The following PLEC variants were observed in gnomAD, a reference collection of about 807,000 sequenced individuals.
PLEC encodes the protein hemidesmosomal protein 1.
PLEC carries 216 observed loss-of-function variants against 392.8 expected under a neutral mutation model. The ratio of observed to expected loss-of-function variants is 0.55; its 90% CI spans 0.49 to 0.62. The LOEUF (loss-of-function observed/expected upper bound fraction) is 0.62. Ranked by LOEUF, PLEC falls within the 20% of genes least tolerant of loss-of-function variation. The pLI, the probability that PLEC is intolerant of heterozygous loss-of-function variation, is 0.00. For missense variants in PLEC, 6,863 were observed against 6,563.4 expected, an observed-to-expected ratio of 1.05 and a Z score of -1.58; for synonymous variants, 3,621 against 2,980.6, an observed-to-expected ratio of 1.21 and a Z score of -7.00.
rs782385787 is a variant in PLEC, at chr8:143,932,068, GC to G, written c.2083-37del. On this transcript the variant is annotated intron_variant, in intron 17 of 31. Transcript: ENST00000345136. ...GCAGGTCCCGGTCAGGCCCCGCCCCGCCCCGCCTGGGGACCCGGCACGGCCC... is the reference window on the plus strand; with the variant it reads ...GCAGGTCCCGGTCAGGCCCCGCCCCGCCCGCCTGGGGACCCGGCACGGCCC... 73 of 1,555,536 alleles carry G rather than the reference GC, an allele frequency of 4.7e-5. 1 individual carries two copies. The highest frequency in any genetic ancestry group is 5.8e-5 in the Non-Finnish European group (67 of 1,150,018).
rs782432188 is a variant in PLEC at position 143,933,253 on chromosome 8, G to A, written c.1362C>T (p.Asn454=). The stretch of plus-strand genomic sequence containing the variant: ...GTCCATCCTTGAGGGTCTGCACGTC[G>A]TTGAAGAGCAGCCGGATCATGCTAT... The part of the protein sequence containing the change: ...KADSMIRLLF[N]DVQTLKDGRH... The change falls in exon 13 of 32, where the codon AAC becomes AAT. Residue 454 remains asparagine (N), a synonymous_variant. Transcript: ENST00000345136. The A allele has an allele frequency of 1.4e-5, 23 of 1,613,004 alleles. No homozygotes were observed. The highest frequency in any genetic ancestry group is 1.9e-5 in the Non-Finnish European group (22 of 1,179,978).
chr8:143,943,044 C>T (rs1830795643), upstream of PLEC, among the ~76,000 whole-genome samples: 1 of 152,208 alleles, frequency 6.6e-6, no homozygotes, highest in Non-Finnish European at 1.5e-5. Context: ...CAGCCCAAGT[C>T]CCATCCTGGC....
upstream of PLEC, among the ~76,000 whole-genome samples, chr8:143,955,113 G>C (rs1216947585): frequency 6.6e-6 from 1 of 152,170 alleles, no homozygotes; most frequent in Non-Finnish European, 1.5e-5. Context: ...GACTCAGCCA[G>C]TTGGGGTGTG....
In PLEC at chr8:143,923,182, A is replaced by G. The variant is rs782107125; in HGVS notation, c.6747T>C (p.Ala2249=). The G allele has an allele frequency of 1.9e-6, 3 of 1,602,270 alleles. No homozygotes were observed. The Admixed American group carries it at 5.0e-5, about 27-fold the overall frequency. The part of the protein sequence containing the change: ...ELSKLKARIE[A]ENRALILRDK... ...CACGCAAGATGAGTGCGCGGTTCTCAGCCTCGATGCGTGCCTTGAGCTTGC... is the reference window on the plus strand; with the variant it reads ...CACGCAAGATGAGTGCGCGGTTCTCGGCCTCGATGCGTGCCTTGAGCTTGC... Residue 2249 remains alanine (A), a synonymous_variant, in exon 31 of 32, where the codon GCT becomes GCC. Transcript: ENST00000345136.
At position 143,920,817 on chromosome 8, in the gene PLEC, G is replaced by C. The variant is rs137853161; in HGVS notation, c.9004C>G (p.Arg3002Gly). Residue 3002 changes from arginine to glycine, a missense_variant, in exon 32 of 32, where the codon CGA becomes GGA. Arg to Gly is a moderately radical substitution (Grantham distance 125). Coordinates refer to ENST00000345136, the MANE Select transcript of PLEC (RefSeq NM_201384.3). ...ACGTCTCGCACAGAGCGCTCACCTC[G>C]CTGCAGCTGCTGGTAGAGCTCGCGG... ...IDRELYQQLQ[R>G]GERSVRDVAE... The C allele has an allele frequency of 6.2e-7, 1 of 1,608,176 alleles. No homozygotes were observed. The highest frequency in any genetic ancestry group is 2.2e-5 in the East Asian group (1 of 44,874).
intron 1 of PLEC, among the ~76,000 whole-genome samples, chr8:143,945,443 T>C (rs782479574): frequency 6.6e-5 from 10 of 151,954 alleles, no homozygotes; most frequent in Non-Finnish European, 1.2e-4. Context: ...CAGATCCCAA[T>C]GCAGCCGGGG....
At position 143,937,229 on chromosome 8, in the gene PLEC, C is replaced by T; in HGVS notation, c.278G>A (p.Gly93Glu). The change falls in exon 4 of 32, where the codon GGG (glycine) becomes GAG (glutamate). Residue 93 changes from glycine (G) to glutamate (E), a missense_variant. Transcript: ENST00000345136. Reference sequence around the variant, plus strand: ...CTGCAGCTTGTGGAAACGCATCCTCCCCTTCTCCCGGGGCTGTGGGGAGGC... The same window carrying T: ...CTGCAGCTTGTGGAAACGCATCCTCTCCTTCTCCCGGGGCTGTGGGGAGGC... The part of the protein sequence containing the change: ...LSGDSLPREK[G>E]RMRFHKLQNV... 2 of 1,612,592 alleles carry T rather than the reference C, an allele frequency of 1.2e-6. No individual in the cohort carries two copies. The highest frequency in any genetic ancestry group is 1.7e-5 in the Admixed American group (1 of 60,020).
At chr8:143,966,425 C>T (rs1459401816) in intron 1 of PLEC, among the ~76,000 whole-genome samples, 1 of 152,230 alleles carries the variant, frequency 6.6e-6, no homozygotes, top group Middle Eastern at 3.2e-3. Context: ...ATTTTATGCA[C>T]CCAAGGCTAA....
At position 143,929,423 on chromosome 8, in the gene PLEC, G is replaced by A. The variant is rs782630313; in HGVS notation, c.3072C>T (p.Ala1024=). The change falls in exon 24 of 32, where the codon GCC becomes GCT. Residue 1024 remains alanine, a synonymous_variant. Transcript: ENST00000345136. Reference sequence around the variant, plus strand: ...GGGGGACGGCCCCTGCCTGCTGCTCGGCGATGCGCTGGGCACACTCCCGTG... The same window carrying A: ...GGGGGACGGCCCCTGCCTGCTGCTCAGCGATGCGCTGGGCACACTCCCGTG... ...EPARECAQRI[A]EQQKAQAEVE... 4 of 1,566,004 alleles carry A rather than the reference G, an allele frequency of 2.6e-6. No individual in the cohort carries two copies. The highest frequency in any genetic ancestry group is 2.6e-6 in the Non-Finnish European group (3 of 1,157,816).
upstream of PLEC, among the ~76,000 whole-genome samples, chr8:143,951,608 A>T (rs906458627): frequency 6.6e-6 from 1 of 152,068 alleles, no homozygotes; most frequent in Non-Finnish European, 1.5e-5. Context: ...GGGGGCTCAG[A>T]GGGGCCTCAA....
Position 143,920,664 on chromosome 8 carries a change from T to C in PLEC, c.9157A>G (p.Met3053Val), listed in dbSNP as rs782411166. The change falls in exon 32 of 32, where the codon ATG becomes GTG. Residue 3053 changes from methionine (M) to valine (V), a missense_variant. By Grantham distance (21) the Met-to-Val change is conservative. Transcript: ENST00000345136. ...ALKKDLLPSDMAVALLEAQAG... is the reference protein window; with the variant it reads ...ALKKDLLPSDVAVALLEAQAG... ...TGGGCTTCCAACAGGGCCACGGCCATGTCGGATGGCAGCAGGTCTTTCTTC... is the reference window on the plus strand; with the variant it reads ...TGGGCTTCCAACAGGGCCACGGCCACGTCGGATGGCAGCAGGTCTTTCTTC... 13 of 1,603,824 alleles carry C rather than the reference T, an allele frequency of 8.1e-6. No individual in the cohort carries two copies. Among genetic ancestry groups the C allele is most frequent in the Middle Eastern group, 3.3e-4 (2 of 6,084 alleles).
intron 21 of PLEC, 38 bp from the exon 22 acceptor site, chr8:143,930,100 C>T (rs782498320): frequency 6.2e-7 from 1 of 1,602,242 alleles, no homozygotes; most frequent in Admixed American, 1.7e-5. Context: ...CACCAGCGCC[C>T]CACCCGCCTT....
rs552472196 is a variant in PLEC, at chr8:143,969,226, G to A, written c.70+4177C>T. ...CGGCGATGTGAGCAGCCCTGACAGC[G>A]TCCCGGCAAGTCGAAGAGGCCAGAC... is the stretch of plus-strand genomic sequence containing the variant. On this transcript the variant is annotated intron_variant, in intron 1 of 31. Coordinates refer to the PLEC transcript ENST00000356346. The surrounding 1 kb of genome is among the most constrained non-coding windows in gnomAD (Gnocchi z 5.1). Among the ~76,000 whole-genome samples the A allele has an allele frequency of 1.2e-4, 19 of 152,274 alleles. No individual in the cohort carries two copies. The highest frequency in any genetic ancestry group is 2.4e-4 in the African/African-American group (10 of 41,568).
In PLEC at chr8:143,918,069, T is replaced by C. The variant is rs574764116; in HGVS notation, c.11752A>G (p.Ile3918Val). ...ALQLREGLTS[I>V]EEVTKNLQKF... is the part of the protein sequence containing the mutation. ...TGCAAGTTCTTGGTGACCTCCTCGA[T>C]GGAGGTCAGGCCCTCCCGCAGCTGC... The change falls in exon 32 of 32, where the codon ATC becomes GTC. Residue 3918 changes from isoleucine (I) to valine (V), a missense_variant. Coordinates refer to ENST00000345136, the MANE Select transcript of PLEC (RefSeq NM_201384.3). 12 of 1,600,822 alleles carry C rather than the reference T, an allele frequency of 7.5e-6. No homozygotes were observed. In the Admixed American group the frequency reaches 1.7e-4, roughly 23 times the overall value.
chr8:143,959,398 C>T (rs887764551), intron 1 of PLEC, among the ~76,000 whole-genome samples: 4 of 152,254 alleles, frequency 2.6e-5, no homozygotes, highest in East Asian at 1.9e-4. Flanking sequence ...AACTGACGAT[C>T]GGTCAGAGCT....
In PLEC at chr8:143,922,335, G is replaced by T. The variant is rs782125418; in HGVS notation, c.7486C>A (p.Leu2496Ile). The T allele has an allele frequency of 1.9e-6, 3 of 1,606,466 alleles. No homozygotes were observed. Among genetic ancestry groups the T allele is most frequent in the South Asian group, 2.2e-5 (2 of 91,068 alleles). Residue 2496 changes from leucine to isoleucine, a missense_variant, in exon 32 of 32, where the codon CTC becomes ATC. Leu to Ile is a conservative substitution (Grantham distance 5, BLOSUM62 2). Transcript: ENST00000345136. ...TGTAGCAGGCTGTCCTTTTCAGAGAGGAAGCTTTGCTGCAGGGCCTGCGTC... is the reference window on the plus strand; with the variant it reads ...TGTAGCAGGCTGTCCTTTTCAGAGATGAAGCTTTGCTGCAGGGCCTGCGTC... ...QETQALQQSF[L>I]SEKDSLLQRE... is the part of the protein sequence containing the mutation.
chr8:143,974,252 G>C (rs1736925852), upstream of PLEC, among the ~76,000 whole-genome samples: 2 of 152,238 alleles, frequency 1.3e-5, no homozygotes, highest in Non-Finnish European at 2.9e-5. This position sits in a 1 kb window ranked among gnomAD's most constrained non-coding sequence, Gnocchi z 5.9. Flanking sequence ...AGTGAGTACC[G>C]AAGGCAACCA....
At chr8:143,964,748 G>T (rs1414815602) in intron 1 of PLEC, among the ~76,000 whole-genome samples, 1 of 152,122 alleles carries the variant, frequency 6.6e-6, no homozygotes, top group Non-Finnish European at 1.5e-5. Context: ...CATGACAGTG[G>T]CGTCCAGCTG....
In PLEC at chr8:143,927,010, C is replaced by T; in HGVS notation, c.3912G>A (p.Lys1304=). ...TGACACTCTCTGATCCCGACTGGAC[C>T]TTGGGCTTCTTGGCCGGGGAGGCCA... is the stretch of plus-strand genomic sequence containing the variant. ...EPVASPAKKP[K]VQSGSESVIQ... The change falls in exon 29 of 32, where the codon AAG becomes AAA. Residue 1304 remains lysine, a synonymous_variant. Transcript: ENST00000345136. 6.2e-7 allele frequency: 1 copy of T among 1,613,114 alleles called. No homozygotes were observed. Among genetic ancestry groups the T allele is most frequent in the South Asian group, 1.1e-5 (1 of 91,086 alleles).
Sources: gnomAD v4.1 joint callset for allele counts (sites outside exome capture counted in the v4.1 genomes callset) on GRCh38, gnomAD v4.1.1 for gene constraint, Gnocchi (gnomAD v3.1) non-coding constraint, MANE v1.5 for transcripts, NCBI Gene and HGNC (gene_info 2026-07-23, HGNC 2026-07-21) for gene names.